The following PACRG variants were observed in gnomAD, a reference collection of about 807,000 sequenced individuals.
PACRG encodes parkin coregulated, also known as parkin coregulated gene protein.
Under a neutral mutation model 29.7 loss-of-function variants are expected in PACRG, and 29 were observed. That is an observed-to-expected ratio of 0.98 (90% CI 0.73 to 1.33). The LOEUF is 1.33. PACRG is among the 40% of genes most tolerant of loss of function. The pLI is 0.00. For missense variants in PACRG, 279 were observed against 316.2 expected, an observed-to-expected ratio of 0.88 and a Z score of 0.89; for synonymous variants, 116 against 118.7, an observed-to-expected ratio of 0.98 and a Z score of 0.15.
chr6:163,282,225 A>G (rs1585397276), intron 4 of PACRG, among the ~76,000 whole-genome samples: 1 of 152,320 alleles, frequency 6.6e-6, no homozygotes, highest in South Asian at 2.1e-4. Flanking sequence ...ATGTTAATAT[A>G]CACACAGACT....
chr6:162,846,392 A>C (rs993330740), intron 2 of PACRG, among the ~76,000 whole-genome samples: 4 of 152,204 alleles, frequency 2.6e-5, no homozygotes, highest in Middle Eastern at 3.2e-3. Flanking sequence ...TAGTGCACCT[A>C]TGCACCTACC....
chr6:163,062,083 T>C (rs1585122581), intron 2 of PACRG, 67 bp from the exon 3 acceptor site: 1 of 1,544,746 alleles, frequency 6.5e-7, no homozygotes, highest in South Asian at 1.2e-5. Context: ...GACAGCTGCA[T>C]AGCTTGTCTG....
chr6:162,869,647 C>T (rs367895462), intron 2 of PACRG, among the ~76,000 whole-genome samples: 25 of 152,010 alleles, frequency 1.6e-4, no homozygotes, highest in African/African-American at 3.1e-4. Context: ...GTTTGTAAGA[C>T]GTTACAGATT....
intron 2 of PACRG, among the ~76,000 whole-genome samples, chr6:162,902,417 A>G (rs940289341): frequency 5.3e-5 from 8 of 152,230 alleles, no homozygotes; most frequent in African/African-American, 1.9e-4. Flanking sequence ...TCTATGAATG[A>G]CTGCAGAAAT....
At chr6:162,913,584 C>A (rs372820960) in intron 2 of PACRG, among the ~76,000 whole-genome samples, 1 of 152,130 alleles carries the variant, frequency 6.6e-6, no homozygotes, top group Non-Finnish European at 1.5e-5. Context: ...AGGAGTATAA[C>A]GGCTGAGTTG....
intron 2 of PACRG, among the ~76,000 whole-genome samples, chr6:162,828,977 C>T (rs1192821166): frequency 6.6e-6 from 1 of 152,144 alleles, no homozygotes; most frequent in Non-Finnish European, 1.5e-5. Flanking sequence ...TCATGAATGA[C>T]TGTGTTTTGT....
intron 2 of PACRG, chr6:163,046,548 C>T (rs955941385): frequency 1.3e-5 from 2 of 151,942 alleles, no homozygotes; most frequent in African/African-American, 2.4e-5. Flanking sequence ...TTCCACCAGT[C>T]ACAGCATTTG....
chr6:163,306,643 T>C (rs56357006), intron 4 of PACRG, among the ~76,000 whole-genome samples: 12,308 of 152,280 alleles, frequency 0.081, 548 homozygotes, highest in Non-Finnish European at 0.099. Context: ...TGCACAGTGC[T>C]CTCTTAACTA....
intron 4 of PACRG, among the ~76,000 whole-genome samples, chr6:163,105,862 T>C (rs530078920): frequency 6.6e-6 from 1 of 152,270 alleles, no homozygotes; most frequent in South Asian, 2.1e-4. Context: ...AAAATGTAAA[T>C]CTCAGAGAGT....
chr6:162,880,597 A>G (rs1277861620), intron 2 of PACRG, among the ~76,000 whole-genome samples: 1 of 152,250 alleles, frequency 6.6e-6, no homozygotes, highest in African/African-American at 2.4e-5. Flanking sequence ...CATATCTTTC[A>G]GGCAACACTA....
chr6:162,959,451 G>T (rs1229492598), intron 2 of PACRG, among the ~76,000 whole-genome samples: 3 of 152,104 alleles, frequency 2.0e-5, no homozygotes, highest in African/African-American at 7.2e-5. Context: ...GGTATTTTCT[G>T]CAAAGAACAA....
At chr6:162,911,011 A>G (rs1332257251) in intron 2 of PACRG, among the ~76,000 whole-genome samples, 1 of 152,110 alleles carries the variant, frequency 6.6e-6, no homozygotes, top group Non-Finnish European at 1.5e-5. Flanking sequence ...AATTGAACAA[A>G]CTCTGGTATA....
intron 4 of PACRG, among the ~76,000 whole-genome samples, chr6:163,176,119 C>T (rs1429861492): frequency 1.3e-5 from 2 of 152,190 alleles, no homozygotes; most frequent in African/African-American, 4.8e-5. Flanking sequence ...ACCTGCCCCC[C>T]ACCCCCCAAC....
intron 4 of PACRG, among the ~76,000 whole-genome samples, chr6:163,279,378 T>C (rs532625775): frequency 6.6e-6 from 1 of 152,352 alleles, no homozygotes; most frequent in East Asian, 1.9e-4. Context: ...CTGTGTTGAA[T>C]AGATCTTCAA....
intron 4 of PACRG, among the ~76,000 whole-genome samples, chr6:163,287,388 GC>G (rs1784438430): frequency 1.3e-5 from 2 of 152,156 alleles, no homozygotes; most frequent in East Asian, 3.9e-4. Context: ...AACCCCAGAA[GC>G]CGGGGACCCT....
intron 4 of PACRG, among the ~76,000 whole-genome samples, chr6:163,202,377 G>A (rs1172433663): frequency 6.6e-6 from 1 of 152,060 alleles, no homozygotes; most frequent in Admixed American, 6.5e-5. Flanking sequence ...GTTTGTATGT[G>A]TTTATGTGCA....
intron 4 of PACRG, among the ~76,000 whole-genome samples, chr6:163,238,734 A>G (rs760790510): frequency 6.6e-5 from 10 of 152,224 alleles, no homozygotes; most frequent in Non-Finnish European, 1.0e-4. Context: ...TTTGAGTTCT[A>G]TTAACATTCA....
chr6:162,941,895 A>G (rs1325282165), intron 2 of PACRG, among the ~76,000 whole-genome samples: 1 of 152,162 alleles, frequency 6.6e-6, no homozygotes, highest in Non-Finnish European at 1.5e-5. Flanking sequence ...AGTTGCTTTC[A>G]TTACTAGTTT....
At position 162,742,838 on chromosome 6, in the gene PACRG, T is replaced by C. The variant is rs184020190; in HGVS notation, c.156+14447T>C. On this transcript the variant is annotated intron_variant, in intron 1 of 4. Transcript: ENST00000366888. ...TCTTTGAATACTGATTCAAAGAGAA[T>C]AGAAAGAAGATATTCAAAGAATATC... Among the ~76,000 whole-genome samples the C allele has an allele frequency of 8.4e-3, 1,277 of 152,158 alleles. 19 individuals carry two copies. The highest frequency in any genetic ancestry group is 0.029 in the African/African-American group (1,211 of 41,500).
Sources: gnomAD v4.1 joint callset for allele counts (sites outside exome capture counted in the v4.1 genomes callset) on GRCh38, gnomAD v4.1.1 for gene constraint, MANE v1.5 for transcripts, NCBI Gene and HGNC (gene_info 2026-07-23, HGNC 2026-07-21) for gene names.